MEIS2: variants seen among roughly 807,000 people sequenced by gnomAD.
The protein encoded by MEIS2 is Meis homeobox 2.
Under a neutral mutation model 58.6 loss-of-function variants are expected in MEIS2, and 9 were observed. That is an observed-to-expected ratio of 0.15 (90% CI 0.09 to 0.27). The LOEUF (loss-of-function observed/expected upper bound fraction) is 0.27. Ranked by LOEUF, MEIS2 falls within the 10% of genes least tolerant of loss-of-function variation. MEIS2 has a pLI of 1.00. For synonymous variants in MEIS2, 221 were observed against 228.4 expected, an observed-to-expected ratio of 0.97 and a Z score of 0.29; for missense variants, 427 against 635.0, an observed-to-expected ratio of 0.67 and a Z score of 3.52.
chr15:36,985,860 T>A (rs566091180), intron 8 of MEIS2, among the ~76,000 whole-genome samples: 2 of 152,274 alleles, frequency 1.3e-5, no homozygotes, highest in East Asian at 3.9e-4. Flanking sequence ...AGGCAGATGG[T>A]GACAGAGTTG....
At position 37,028,181 on chromosome 15, in the gene MEIS2, T is replaced by G. The variant is rs11858498; in HGVS notation, c.900+8633A>C. 2.2e-3 allele frequency among the ~76,000 whole-genome samples: 333 copies of G among 152,370 alleles called. 1 individual carries two copies. Among genetic ancestry groups the G allele is most frequent in the Non-Finnish European group, 4.0e-3 (273 of 68,034 alleles). On this transcript the variant is annotated intron_variant, in intron 8 of 11. Transcript: ENST00000561208. ...AGTCTATCTGAGGTGAACCTCTTTTTAAACAGGATTGTCTGATGTAATTTG... is the reference window on the plus strand; with the variant it reads ...AGTCTATCTGAGGTGAACCTCTTTTGAAACAGGATTGTCTGATGTAATTTG...
At chr15:36,976,489 T>C (rs907618549) in intron 8 of MEIS2, among the ~76,000 whole-genome samples, 1 of 148,446 alleles carries the variant, frequency 6.7e-6, no homozygotes, top group Non-Finnish European at 1.5e-5. Flanking sequence ...TATATTATTA[T>C]ATGTATATAA....
At chr15:36,910,165 C>T (rs2056939143) in intron 9 of MEIS2, among the ~76,000 whole-genome samples, 1 of 152,052 alleles carries the variant, frequency 6.6e-6, no homozygotes, top group Non-Finnish European at 1.5e-5. Flanking sequence ...GAGATGGTGC[C>T]ACTCCACTCC....
chr15:36,930,770 T>C (rs186810160), intron 9 of MEIS2, among the ~76,000 whole-genome samples: 1 of 152,344 alleles, frequency 6.6e-6, no homozygotes, highest in East Asian at 1.9e-4. Flanking sequence ...TGTATGCTCA[T>C]CATATATACG....
At chr15:37,100,868 A>AT (rs1208690673), upstream of MEIS2, 5 of 147,668 alleles carry the variant, frequency 3.4e-5, no homozygotes, top group East Asian at 6.0e-4. Flanking sequence ...AGATCTTTTC[A>AT]TTTAAAAAAA....
At chr15:37,033,456 AAAAG>A (rs953309207) in intron 8 of MEIS2, among the ~76,000 whole-genome samples, 5 of 152,196 alleles carry the variant, frequency 3.3e-5, no homozygotes, top group Admixed American at 2.0e-4. Flanking sequence ...TCTTTTTTAA[AAAAG>A]AAAGAAAAAA....
chr15:36,950,353 T>C lies in MEIS2; in HGVS notation c.948A>G (p.Thr316=). Residue 316 remains threonine, a synonymous_variant, in exon 9 of 12, where the codon ACA becomes ACG. Transcript: ENST00000561208. ...EEQKKQLAQD[T]GLTILQVNNW... ...TGTTTACTTGGAGAATTGTAAGTCC[T>C]GTGTCTTGCGCTAACTGTTTCTTCT... is the stretch of plus-strand genomic sequence containing the variant. The C allele has an allele frequency of 1.2e-6, 2 of 1,612,816 alleles. No homozygotes were observed. The highest frequency in any genetic ancestry group is 1.7e-6 in the Non-Finnish European group (2 of 1,179,036).
intron 7 of MEIS2, among the ~76,000 whole-genome samples, chr15:37,056,535 G>GT (rs1427083992): frequency 3.3e-5 from 5 of 152,306 alleles, no homozygotes; most frequent in Admixed American, 3.3e-4. Flanking sequence ...CGGCAGCTTC[G>GT]CCTGAGCACC....
intron 8 of MEIS2, among the ~76,000 whole-genome samples, chr15:37,005,590 G>A (rs1403545): frequency 2.0e-5 from 3 of 151,876 alleles, no homozygotes; most frequent in South Asian, 2.1e-4. Context: ...TTGAGATAAG[G>A]TCTCCCTCTG....
intron 9 of MEIS2, among the ~76,000 whole-genome samples, chr15:36,934,246 G>A (rs1353202336): frequency 2.6e-5 from 4 of 151,272 alleles, no homozygotes; most frequent in Non-Finnish European, 5.9e-5. Context: ...AAGGAGAGGA[G>A]AACATATCCA....
At chr15:37,038,531 C>A (rs540814222) in intron 7 of MEIS2, among the ~76,000 whole-genome samples, 1 of 152,250 alleles carries the variant, frequency 6.6e-6, no homozygotes, top group African/African-American at 2.4e-5. Flanking sequence ...AAGAGATGAC[C>A]CTCACTATTT....
chr15:37,033,775 G>A (rs758474678), intron 8 of MEIS2, among the ~76,000 whole-genome samples: 2 of 152,096 alleles, frequency 1.3e-5, no homozygotes, highest in East Asian at 1.9e-4. Context: ...TTAACATGTC[G>A]CTAGTTAGGG....
intron 8 of MEIS2, among the ~76,000 whole-genome samples, chr15:37,024,109 G>A (rs2141685212): frequency 6.6e-6 from 1 of 151,954 alleles, no homozygotes; most frequent in African/African-American, 2.4e-5. Flanking sequence ...TGTTGGCCAG[G>A]TTGGTCTTGA....
At chr15:36,973,188 A>G (rs2059626325) in intron 8 of MEIS2, among the ~76,000 whole-genome samples, 1 of 152,220 alleles carries the variant, frequency 6.6e-6, no homozygotes, top group Non-Finnish European at 1.5e-5. Flanking sequence ...TGATAGAATC[A>G]TGCTGGATAA....
rs1555465939 is a variant in MEIS2, at chr15:37,072,668, C to CTCTA, written c.754+11102_754+11103insTAGA. Among the ~76,000 whole-genome samples the CTCTA allele has an allele frequency of 2.0e-5, 3 of 152,064 alleles. No homozygotes were observed. In the East Asian group the frequency reaches 5.8e-4, roughly 29 times the overall value. ...AACACCCACTGAAGGCCATCAAAAT[C>CTCTA]TTTATTTATTTATTTATTTTGTATT... On this transcript the variant is annotated intron_variant, in intron 7 of 11. Coordinates refer to ENST00000561208, the MANE Select transcript of MEIS2 (RefSeq NM_170675.5).
At chr15:36,903,058 G>A (rs149401090) in intron 9 of MEIS2, among the ~76,000 whole-genome samples, 374 of 152,204 alleles carry the variant, frequency 2.5e-3, no homozygotes, top group Non-Finnish European at 4.5e-3. Context: ...GTTTATATGG[G>A]TAACTGTAGG....
chr15:37,070,007 TA>T (rs965797458), intron 7 of MEIS2, among the ~76,000 whole-genome samples: 4 of 151,316 alleles, frequency 2.6e-5, no homozygotes, highest in Admixed American at 6.6e-5. Flanking sequence ...AATGGCCGCT[TA>T]AAAAAAAATG....
chr15:37,099,394 G>A, intron 1 of MEIS2, 61 bp downstream of exon 1: 1 of 1,608,982 alleles, frequency 6.2e-7, no homozygotes, highest in South Asian at 1.1e-5. Context: ...AGGAGGCATC[G>A]GGACAGGCCC....
intron 9 of MEIS2, among the ~76,000 whole-genome samples, chr15:36,916,407 A>G (rs2057282293): frequency 6.9e-6 from 1 of 145,232 alleles, no homozygotes; most frequent in Non-Finnish European, 1.5e-5. Context: ...AGCCTGGGTG[A>G]TGGAGCGAGA....
Sources: allele counts gnomAD v4.1 joint callset (sites outside exome capture counted in the v4.1 genomes callset), GRCh38; gene constraint gnomAD v4.1.1; transcripts MANE v1.5; gene names NCBI Gene and HGNC (gene_info 2026-07-23, HGNC 2026-07-21).